SHCBP1: variants seen among roughly 807,000 people sequenced by gnomAD.
SHCBP1 encodes the protein SHC SH2 domain-binding protein 1.
Under a neutral mutation model 75.1 loss-of-function variants are expected in SHCBP1, and 60 were observed. That is an observed-to-expected ratio of 0.80 (90% CI 0.65 to 0.99). The LOEUF is 0.99. Among genes scored for constraint, SHCBP1 ranks in the 50% least tolerant of loss-of-function variants. The pLI is 0.00. For missense variants in SHCBP1, 709 were observed against 809.4 expected, an observed-to-expected ratio of 0.88 and a Z score of 1.50; for synonymous variants, 290 against 293.2, an observed-to-expected ratio of 0.99 and a Z score of 0.11.
At chr16:46,585,792 G>A (rs1423862968) in intron 10 of SHCBP1, among the ~76,000 whole-genome samples, 1 of 152,120 alleles carries the variant, frequency 6.6e-6, no homozygotes, top group Non-Finnish European at 1.5e-5. Flanking sequence ...TTTCACCATT[G>A]CCCACTGGTA....
At chr16:46,598,123 A>C (rs1965172122) in intron 9 of SHCBP1, among the ~76,000 whole-genome samples, 1 of 152,176 alleles carries the variant, frequency 6.6e-6, no homozygotes, top group Admixed American at 6.5e-5. Flanking sequence ...TGAGGGCTGG[A>C]ATCAACTTCT....
intron 5 of SHCBP1, among the ~76,000 whole-genome samples, chr16:46,605,960 C>T (rs903538037): frequency 3.9e-4 from 24 of 61,964 alleles, no homozygotes; most frequent in African/African-American, 1.4e-3. Context: ...GAGTGAACAG[C>T]TGTGAAAAAA....
chr16:46,615,523 T>C (rs1445133067), intron 4 of SHCBP1, among the ~76,000 whole-genome samples: 1 of 152,206 alleles, frequency 6.6e-6, no homozygotes, highest in Non-Finnish European at 1.5e-5. Flanking sequence ...GTGGATCACC[T>C]GAGGTCAAGA....
At chr16:46,589,809 G>A (rs1322216938) in intron 10 of SHCBP1, among the ~76,000 whole-genome samples, 4 of 152,106 alleles carry the variant, frequency 2.6e-5, no homozygotes, top group Non-Finnish European at 5.9e-5. Context: ...TCACAGAATT[G>A]GAAAAACTAC....
chr16:46,591,154 C>T (rs1261405445), intron 10 of SHCBP1, among the ~76,000 whole-genome samples: 2 of 152,046 alleles, frequency 1.3e-5, no homozygotes, highest in Admixed American at 6.6e-5. Flanking sequence ...ACATCACACA[C>T]TGGGGCCTGT....
intron 10 of SHCBP1, among the ~76,000 whole-genome samples, chr16:46,587,497 C>T (rs1231231521): frequency 2.0e-5 from 3 of 152,070 alleles, no homozygotes; most frequent in Non-Finnish European, 4.4e-5. Context: ...AAACATGACT[C>T]AACTATATGC....
At chr16:46,617,888 G>T in intron 2 of SHCBP1, 139 bp from the exon 3 acceptor site, 1 of 747,476 alleles carries the variant, frequency 1.3e-6, no homozygotes, top group African/African-American at 1.8e-5. Flanking sequence ...GATAAAAGAT[G>T]CAAAAAACCA....
chr16:46,609,712 A>G (rs1309900643), intron 4 of SHCBP1, among the ~76,000 whole-genome samples: 2 of 152,086 alleles, frequency 1.3e-5, no homozygotes, highest in East Asian at 1.9e-4. Flanking sequence ...TCGGTCTCCC[A>G]AAGTGCTGGG....
At chr16:46,610,346 C>T (rs1193370154) in intron 4 of SHCBP1, among the ~76,000 whole-genome samples, 2 of 151,934 alleles carry the variant, frequency 1.3e-5, no homozygotes, top group Non-Finnish European at 2.9e-5. Context: ...TTCAAATTCC[C>T]CTAATTGTCT....
At chr16:46,582,280 T>C (rs1964884158) in intron 12 of SHCBP1, among the ~76,000 whole-genome samples, 1 of 152,202 alleles carries the variant, frequency 6.6e-6, no homozygotes, top group African/African-American at 2.4e-5. Context: ...TGCTAAGCAC[T>C]GCGTTAGGAG....
intron 4 of SHCBP1, among the ~76,000 whole-genome samples, chr16:46,611,086 C>T (rs1372615875): frequency 1.3e-5 from 2 of 152,154 alleles, no homozygotes; most frequent in African/African-American, 4.8e-5. Context: ...CTGATTTCCT[C>T]CCACATCCCA....
At chr16:46,613,144 C>T (rs1468782882) in intron 4 of SHCBP1, among the ~76,000 whole-genome samples, 1 of 152,040 alleles carries the variant, frequency 6.6e-6, no homozygotes, top group Non-Finnish European at 1.5e-5. Context: ...ACAACGAGAC[C>T]CCCATCTCTA....
chr16:46,599,577 A>C (rs1050114849), intron 9 of SHCBP1, among the ~76,000 whole-genome samples: 4 of 151,646 alleles, frequency 2.6e-5, no homozygotes, highest in Non-Finnish European at 5.9e-5. Flanking sequence ...AGTTACCAAA[A>C]TGTGACACAG....
intron 10 of SHCBP1, among the ~76,000 whole-genome samples, chr16:46,588,704 T>C (rs1264051520): frequency 1.3e-5 from 2 of 151,996 alleles, no homozygotes; most frequent in South Asian, 2.1e-4. Flanking sequence ...AAAAAAAGTC[T>C]AGGACCAGAC....
In SHCBP1 at chr16:46,603,537, A is replaced by AC; in HGVS notation, c.1213+1dup. On this transcript the variant is annotated splice_donor_variant, in intron 8 of 12. Coordinates refer to ENST00000303383, the MANE Select transcript of SHCBP1 (RefSeq NM_024745.5). LOFTEE classifies it high-confidence loss of function. ...GTTTGGTTGTGTGTCTTCCATACTCACCTTCCAACTCAATGGAGTCAGCAA... is the reference window on the plus strand; with the variant it reads ...GTTTGGTTGTGTGTCTTCCATACTCACCCTTCCAACTCAATGGAGTCAGCAA... 6.2e-7 allele frequency: 1 copy of AC among 1,614,106 alleles called. No individual in the cohort carries two copies. The highest frequency in any genetic ancestry group is 8.5e-7 in the Non-Finnish European group (1 of 1,180,002).
At chr16:46,584,145 G>A (rs754428194) in intron 10 of SHCBP1, 56 bp from the exon 11 acceptor site, 95 of 1,277,850 alleles carry the variant, frequency 7.4e-5, no homozygotes, top group Non-Finnish European at 9.1e-5. Flanking sequence ...AAGACTATAA[G>A]AGTTTATTAC....
intron 10 of SHCBP1, among the ~76,000 whole-genome samples, chr16:46,592,817 C>A (rs1454455660): frequency 6.6e-6 from 1 of 151,482 alleles, no homozygotes; most frequent in Non-Finnish European, 1.5e-5. Flanking sequence ...ATGTAACCCA[C>A]CATTTTCTGT....
Position 46,581,716 on chromosome 16 carries a change from T to C in SHCBP1, c.*13A>G, listed in dbSNP as rs1259304000. On this transcript the variant is annotated 3_prime_UTR_variant, in exon 13 of 13. Transcript: ENST00000303383. ...AAAATCCAGTATTTTGCTATCTACT[T>C]ACATCACTGTAGTCAGAAAAGAAAT... is the stretch of plus-strand genomic sequence containing the variant. 5 of 1,606,252 alleles carry C rather than the reference T, an allele frequency of 3.1e-6. No homozygotes were observed. The highest frequency in any genetic ancestry group is 4.3e-6 in the Non-Finnish European group (5 of 1,175,122).
At chr16:46,614,008 G>T (rs1176297717) in intron 4 of SHCBP1, among the ~76,000 whole-genome samples, 2 of 152,106 alleles carry the variant, frequency 1.3e-5, no homozygotes, top group African/African-American at 2.4e-5. Flanking sequence ...TGCCCATAGA[G>T]ATTAGCTCCC....
Sources: allele counts gnomAD v4.1 joint callset (sites outside exome capture counted in the v4.1 genomes callset), GRCh38; gene constraint gnomAD v4.1.1; transcripts MANE v1.5; gene names NCBI Gene and HGNC (gene_info 2026-07-23, HGNC 2026-07-21).